Variants in CFAP20DC observed in about 807,000 individuals in gnomAD.
CFAP20DC encodes protein CFAP20DC.
Under a neutral mutation model 101.7 loss-of-function variants are expected in CFAP20DC, and 84 were observed. The observed-to-expected ratio is 0.83, with a 90% CI of 0.69 to 0.99. The LOEUF (loss-of-function observed/expected upper bound fraction) is 0.99, where lower values mean the gene tolerates loss of function less well. CFAP20DC is among the 50% of genes least tolerant of loss of function. CFAP20DC has a pLI of 0.00. For missense variants in CFAP20DC, 1,007 were observed against 970.3 expected (o/e 1.04, Z -0.50); for synonymous variants, 359 against 351.2 (o/e 1.02, Z -0.25).
intron 4 of CFAP20DC, among the ~76,000 whole-genome samples, chr3:58,994,351 T>C (rs1559959370): frequency 6.6e-6 from 1 of 152,192 alleles, no homozygotes; most frequent in Non-Finnish European, 1.5e-5. Context: ...AGGCTGGAAG[T>C]ATGATGGCTG....
intron 13 of CFAP20DC, among the ~76,000 whole-genome samples, chr3:58,843,040 A>T (rs1342622273): frequency 6.6e-6 from 1 of 152,220 alleles, no homozygotes; most frequent in Non-Finnish European, 1.5e-5. Context: ...GACCAAAAGT[A>T]GATAAAACCA....
At chr3:58,919,452 A>T (rs1482253702) in intron 5 of CFAP20DC, among the ~76,000 whole-genome samples, 1 of 152,194 alleles carries the variant, frequency 6.6e-6, no homozygotes, top group African/African-American at 2.4e-5. Context: ...ATGAGGTATA[A>T]GTAATTTTTG....
intron 3 of CFAP20DC, chr3:58,726,338 A>C (rs1355845700): frequency 2.0e-5 from 3 of 152,352 alleles, no homozygotes; most frequent in Admixed American, 6.5e-5. Flanking sequence ...GAATACAATG[A>C]AAGTTTGTTT....
chr3:58,973,786 A>T (rs912737726), intron 4 of CFAP20DC, among the ~76,000 whole-genome samples: 2 of 152,214 alleles, frequency 1.3e-5, no homozygotes, highest in Admixed American at 6.5e-5. Context: ...AACAATGGGC[A>T]GCCTTTACCA....
chr3:58,958,655 G>A (rs906663273), intron 4 of CFAP20DC, among the ~76,000 whole-genome samples: 1 of 152,034 alleles, frequency 6.6e-6, no homozygotes, highest in Non-Finnish European at 1.5e-5. Context: ...CATTATAGTG[G>A]GTGTGAGGTA....
intron 4 of CFAP20DC, among the ~76,000 whole-genome samples, chr3:58,979,807 G>A (rs1289432720): frequency 6.7e-6 from 1 of 148,220 alleles, no homozygotes; most frequent in Admixed American, 6.7e-5. Context: ...TTTTGTCCTT[G>A]TTTCTTTTTC....
At position 59,015,531 on chromosome 3, in the gene CFAP20DC, A is replaced by T. The variant is rs2093670552; in HGVS notation, c.278+24026T>A. Among the ~76,000 whole-genome samples, 1 of 151,808 alleles carries T rather than the reference A, an allele frequency of 6.6e-6. No homozygotes were observed. Among genetic ancestry groups the T allele is most frequent in the Non-Finnish European group, 1.5e-5 (1 of 67,892 alleles). ...ATGGCAGAAAAGGGGAGAAAGAAAAAGGAAGAGGAAAAGAAGGAAAGAGGA... is the reference window on the plus strand; with the variant it reads ...ATGGCAGAAAAGGGGAGAAAGAAAATGGAAGAGGAAAAGAAGGAAAGAGGA... On this transcript the variant is annotated intron_variant, in intron 4 of 16. Coordinates refer to ENST00000482387, the MANE Select transcript of CFAP20DC (RefSeq NM_001394063.1). The surrounding 1 kb of genome is among the most constrained non-coding windows in gnomAD (Gnocchi z 5.4).
chr3:58,756,180 C>A (rs989072548), intron 15 of CFAP20DC, among the ~76,000 whole-genome samples: 2 of 152,102 alleles, frequency 1.3e-5, no homozygotes, highest in Admixed American at 6.6e-5. Context: ...TAATCCAACA[C>A]CACAGGTTCA....
intron 15 of CFAP20DC, among the ~76,000 whole-genome samples, chr3:58,771,158 C>G (rs567709561): frequency 2.6e-5 from 4 of 152,170 alleles, no homozygotes; most frequent in African/African-American, 9.6e-5. Context: ...AGATCACGAA[C>G]CAAACACTGC....
chr3:58,735,705 G>A (rs934818804), intron 3 of CFAP20DC, among the ~76,000 whole-genome samples: 1 of 152,142 alleles, frequency 6.6e-6, no homozygotes, highest in Admixed American at 6.5e-5. Flanking sequence ...ATATCTTAGA[G>A]TCCCCAGATA....
intron 5 of CFAP20DC, among the ~76,000 whole-genome samples, chr3:58,932,649 C>G (rs1320977263): frequency 6.6e-6 from 1 of 152,094 alleles, no homozygotes; most frequent in African/African-American, 2.4e-5. Context: ...ATTTTCAACC[C>G]AGAATTTCAT....
rs753372892 is a variant in CFAP20DC, at chr3:59,006,854, G to A, written c.278+32703C>T. Among the ~76,000 whole-genome samples the A allele has an allele frequency of 6.6e-6, 1 of 152,212 alleles. No homozygotes were observed. The highest frequency in any genetic ancestry group is 2.1e-4 in the South Asian group (1 of 4,828). ...GGAGCAAATGGGAACTGTTACAGAT[G>A]CAAACACAGGAGCTGCTGACATTGT... On this transcript the variant is annotated intron_variant, in intron 4 of 16. Coordinates refer to ENST00000482387, the MANE Select transcript of CFAP20DC (RefSeq NM_001394063.1). This position sits in a 1 kb window ranked among gnomAD's most constrained non-coding sequence, Gnocchi z 4.3.
At chr3:58,792,828 A>G (rs901512607) in intron 15 of CFAP20DC, among the ~76,000 whole-genome samples, 9 of 152,192 alleles carry the variant, frequency 5.9e-5, no homozygotes, top group African/African-American at 2.2e-4. Flanking sequence ...TGGCTGTTAG[A>G]AGATAAATTC....
At chr3:58,916,585 C>T (rs994658398) in intron 5 of CFAP20DC, among the ~76,000 whole-genome samples, 1 of 152,098 alleles carries the variant, frequency 6.6e-6, no homozygotes, top group African/African-American at 2.4e-5. Context: ...TACATGCCTA[C>T]ACACATACAC....
intron 14 of CFAP20DC, among the ~76,000 whole-genome samples, chr3:58,824,780 C>A (rs924414527): frequency 6.6e-6 from 1 of 150,766 alleles, no homozygotes; most frequent in Non-Finnish European, 1.5e-5. Flanking sequence ...CTTTTCTTTT[C>A]TTTTTTGTAA....
At chr3:58,923,902 G>C (rs1437935939) in intron 5 of CFAP20DC, among the ~76,000 whole-genome samples, 2 of 152,074 alleles carry the variant, frequency 1.3e-5, no homozygotes, top group Non-Finnish European at 2.9e-5. Context: ...TCACAGTTCA[G>C]TCAGACTCTG....
At chr3:58,958,627 T>C (rs2090864694) in intron 4 of CFAP20DC, among the ~76,000 whole-genome samples, 1 of 152,184 alleles carries the variant, frequency 6.6e-6, no homozygotes. Flanking sequence ...CACCTGATAT[T>C]ATATTTTTGA....
At position 59,001,378 on chromosome 3, in the gene CFAP20DC, G is replaced by GTCTCTCCC. The variant is rs1212352985; in HGVS notation, c.278+38171_278+38178dup. Among the ~76,000 whole-genome samples the GTCTCTCCC allele has an allele frequency of 1.5e-4, 23 of 151,778 alleles. No homozygotes were observed. The highest frequency in any genetic ancestry group is 2.1e-4 in the South Asian group (1 of 4,786). On this transcript the variant is annotated intron_variant, in intron 4 of 16. Transcript: ENST00000482387. The surrounding 1 kb of genome is among the most constrained non-coding windows in gnomAD (Gnocchi z 4.5). ...GCTTAGGAGTTTGGCCTTTGAAACA[G>GTCTCTCCC]TCTCTCCCTCTCTCCCTCTCTCCCT...
chr3:58,758,038 G>A (rs1358083892), intron 15 of CFAP20DC, among the ~76,000 whole-genome samples: 2 of 152,046 alleles, frequency 1.3e-5, no homozygotes, highest in Non-Finnish European at 2.9e-5. Flanking sequence ...ATGCAGCATT[G>A]CCCAAATTTA....
Sources: allele counts gnomAD v4.1 joint callset (sites outside exome capture counted in the v4.1 genomes callset), GRCh38; gene constraint gnomAD v4.1.1; non-coding constraint Gnocchi (gnomAD v3.1); transcripts MANE v1.5; gene names NCBI Gene and HGNC (gene_info 2026-07-23, HGNC 2026-07-21).